PKD1L1: variants seen among roughly 807,000 people sequenced by gnomAD.
PKD1L1 encodes polycystin 1 like 1, transient receptor potential channel interacting, also known as polycystin-1-like protein 1.
A neutral mutation model predicts 323.4 loss-of-function variants in PKD1L1; 236 were observed. That is an observed-to-expected ratio of 0.73 (90% CI 0.66 to 0.81). The LOEUF is 0.81. Ranked by LOEUF, PKD1L1 falls within the 40% of genes least tolerant of loss-of-function variation. The pLI is 0.00. For missense variants in PKD1L1, 3,320 were observed against 3,508.0 expected (o/e 0.95, Z 1.35); for synonymous variants, 1,344 against 1,335.0 (o/e 1.01, Z -0.15).
intron 21 of PKD1L1, among the ~76,000 whole-genome samples, chr7:47,878,223 T>C (rs1207702223): frequency 6.6e-6 from 1 of 152,082 alleles, no homozygotes; most frequent in Non-Finnish European, 1.5e-5. Context: ...TCCAAAATCA[T>C]TGTTGTAAAT....
intron 56 of PKD1L1, among the ~76,000 whole-genome samples, chr7:47,784,292 G>A (rs1410004506): frequency 6.6e-6 from 1 of 152,140 alleles, no homozygotes; most frequent in Non-Finnish European, 1.5e-5. Context: ...TTAAGTATTT[G>A]TAAGCCATAT....
chr7:47,946,432 A>G lies in PKD1L1; in HGVS notation c.44+1965T>C, dbSNP rs1395394097. Among the ~76,000 whole-genome samples the G allele has an allele frequency of 6.6e-6, 1 of 150,872 alleles. No homozygotes were observed. Among genetic ancestry groups the G allele is most frequent in the East Asian group, 1.9e-4 (1 of 5,148 alleles). On this transcript the variant is annotated intron_variant, in intron 1 of 56. Coordinates refer to ENST00000289672, the MANE Select transcript of PKD1L1 (RefSeq NM_138295.5). This position sits in a 1 kb window ranked among gnomAD's most constrained non-coding sequence, Gnocchi z 4.1. ...CCACACAGCATCACACACAATATAC[A>G]CACACCACACAGCACATACCCACCC...
intron 24 of PKD1L1, among the ~76,000 whole-genome samples, chr7:47,871,480 C>G (rs1452319290): frequency 6.6e-6 from 1 of 152,122 alleles, no homozygotes. Flanking sequence ...CAAAGAGGGC[C>G]TATCTAGTTC....
chr7:47,784,910 G>A (rs1455982102), intron 56 of PKD1L1, among the ~76,000 whole-genome samples: 1 of 151,994 alleles, frequency 6.6e-6, no homozygotes, highest in South Asian at 2.1e-4. Flanking sequence ...TGCTTTATTA[G>A]TTGCCCTTTT....
chr7:47,882,300 C>T (rs867504996), intron 19 of PKD1L1, among the ~76,000 whole-genome samples: 21 of 128,082 alleles, frequency 1.6e-4, no homozygotes, highest in South Asian at 7.5e-4. Context: ...CTCCCTCCCT[C>T]CCTCCCTTCC....
In PKD1L1 at chr7:47,866,402, C is replaced by T; in HGVS notation, c.4092+17G>A. On this transcript the variant is annotated intron_variant, in intron 25 of 56. Coordinates refer to ENST00000289672, the MANE Select transcript of PKD1L1 (RefSeq NM_138295.5). ...AAAGGTTTACAGACACTAAACTCAC[C>T]CTCCTCTGAGCCATACCTGATCTAC... is the stretch of plus-strand genomic sequence containing the variant. 6.2e-7 allele frequency: 1 copy of T among 1,607,166 alleles called. No homozygotes were observed. Among genetic ancestry groups the T allele is most frequent in the Non-Finnish European group, 8.5e-7 (1 of 1,177,632 alleles).
chr7:47,807,107 G>A (rs1784795390), intron 52 of PKD1L1, among the ~76,000 whole-genome samples: 1 of 152,108 alleles, frequency 6.6e-6, no homozygotes, highest in Non-Finnish European at 1.5e-5. Context: ...CTGCCAATCT[G>A]TGAGTGACAG....
chr7:47,795,471 C>T (rs1226959055), intron 55 of PKD1L1: 2 of 420,086 alleles, frequency 4.8e-6, no homozygotes, highest in South Asian at 3.5e-5. Context: ...TCTTTTTGTT[C>T]CCAGTTTTGG....
chr7:47,945,347 TTTCACCCA>T (rs1261548268), intron 1 of PKD1L1, among the ~76,000 whole-genome samples: 3 of 152,112 alleles, frequency 2.0e-5, no homozygotes, highest in African/African-American at 7.2e-5. Flanking sequence ...AACTGGATAG[TTTCACCCA>T]ATTTTTACAA....
intron 7 of PKD1L1, among the ~76,000 whole-genome samples, chr7:47,925,152 C>G (rs551549742): frequency 1.3e-5 from 2 of 152,186 alleles, no homozygotes; most frequent in East Asian, 3.9e-4. Flanking sequence ...GAAAAAATAT[C>G]CCTTTTATAA....
At chr7:47,958,980 C>A in the PKD1L1 span, among the ~76,000 whole-genome samples, 19 of 152,244 alleles carry the variant, frequency 1.2e-4, no homozygotes, top group African/African-American at 4.6e-4. Context: ...CGCCACCATG[C>A]CTGACTGGTT....
At chr7:47,830,322 C>T (rs1041749275) in intron 42 of PKD1L1, among the ~76,000 whole-genome samples, 198 bp from the exon 43 acceptor site, 1 of 152,206 alleles carries the variant, frequency 6.6e-6, no homozygotes, top group Non-Finnish European at 1.5e-5. Flanking sequence ...GCCAAGAGGA[C>T]ATCGACCTCC....
intron 20 of PKD1L1, among the ~76,000 whole-genome samples, chr7:47,881,030 G>A (rs1786543250): frequency 6.6e-6 from 1 of 151,876 alleles, no homozygotes; most frequent in African/African-American, 2.4e-5. Context: ...ATCCATCCCT[G>A]GCTCAGAAAT....
rs181551305 is a variant in PKD1L1 at position 47,814,704 on chromosome 7, G to T, written c.7089+630C>A. Among the ~76,000 whole-genome samples, 36 of 152,258 alleles carry T rather than the reference G, an allele frequency of 2.4e-4. 1 individual carries two copies. Among genetic ancestry groups the T allele is most frequent in the African/African-American group, 6.7e-4 (28 of 41,534 alleles). ...AACTTTTGTATTTTTAGTAGAGACA[G>T]GGTTTCCCCATGTTGGCCAGGCTGG... On this transcript the variant is annotated intron_variant, in intron 47 of 56. Coordinates refer to ENST00000289672, the MANE Select transcript of PKD1L1 (RefSeq NM_138295.5).
Position 47,845,031 on chromosome 7 carries a change from G to A in PKD1L1, c.5201C>T (p.Ala1734Val), listed in dbSNP as rs1280679510. ...AFALLRRKLK[A>V]SFEVSDISKL... is the part of the protein sequence containing the mutation. The stretch of plus-strand genomic sequence containing the variant: ...GGAAATGTCACTCACTTCAAAACTG[G>A]CCTTCAGCTTTCTCCTTAGGAGAGC... Residue 1734 changes from alanine (A) to valine (V), a missense_variant, in exon 33 of 57, where the codon GCC becomes GTC. Coordinates refer to ENST00000289672, the MANE Select transcript of PKD1L1 (RefSeq NM_138295.5). 6.2e-7 allele frequency: 1 copy of A among 1,613,850 alleles called. No individual in the cohort carries two copies. Among genetic ancestry groups the A allele is most frequent in the African/African-American group, 1.3e-5 (1 of 74,938 alleles).
intron 7 of PKD1L1, among the ~76,000 whole-genome samples, chr7:47,926,867 A>C (rs180956479): frequency 6.6e-6 from 1 of 152,296 alleles, no homozygotes; most frequent in African/African-American, 2.4e-5. Flanking sequence ...GGATGCCAGC[A>C]AACGGCCTGA....
In PKD1L1 at chr7:47,813,219, G is replaced by T. The variant is rs1470063536; in HGVS notation, c.7248C>A (p.Asn2416Lys). ...TCSPEVGGPE[N>K]PYLIDPENQN... ...GGTTCTCTGGGTCTATCAGGTAGGG[G>T]TTCTCAGGGCCTCCAACTTCGGGAC... Residue 2416 changes from asparagine to lysine, a missense_variant, in exon 49 of 57, where the codon AAC becomes AAA. By Grantham distance (94) the Asn-to-Lys change is moderately conservative (BLOSUM62 0). Transcript: ENST00000289672. The T allele has an allele frequency of 6.2e-7, 1 of 1,614,084 alleles. No homozygotes were observed. Among genetic ancestry groups the T allele is most frequent in the Admixed American group, 1.7e-5 (1 of 60,004 alleles).
intron 47 of PKD1L1, 127 bp downstream of exon 47, chr7:47,815,207 G>T (rs539805515): frequency 1.6e-6 from 2 of 1,272,100 alleles, no homozygotes; most frequent in Admixed American, 2.4e-5. Flanking sequence ...GAGAGCCACC[G>T]GCCTTACACC....
rs1432708054 is a variant in PKD1L1 at position 47,846,895 on chromosome 7, CAGG to C, written c.5134_5136del (p.Pro1712del). 2 of 1,600,606 alleles carry C rather than the reference CAGG, an allele frequency of 1.2e-6. No homozygotes were observed. Among genetic ancestry groups the C allele is most frequent in the African/African-American group, 2.7e-5 (2 of 74,070 alleles). ...TGTCTATACCTGCAGTTCACTTTTTCAGGAGAAGTCCCTGGTTGTGGAGAGAAA... is the reference window on the plus strand; with the variant it reads ...TGTCTATACCTGCAGTTCACTTTTTCAGAAGTCCCTGGTTGTGGAGAGAAA... On this transcript the variant is annotated inframe_deletion, in exon 32 of 57. Coordinates refer to ENST00000289672, the MANE Select transcript of PKD1L1 (RefSeq NM_138295.5).
Sources: gnomAD v4.1 joint callset for allele counts (sites outside exome capture counted in the v4.1 genomes callset) on GRCh38, gnomAD v4.1.1 for gene constraint, Gnocchi (gnomAD v3.1) non-coding constraint, MANE v1.5 for transcripts, NCBI Gene and HGNC (gene_info 2026-07-23, HGNC 2026-07-21) for gene names.